Variants in FBF1 observed in about 807,000 individuals in gnomAD.
FBF1 encodes fas-binding factor 1.
FBF1 carries 119 observed loss-of-function variants against 147.2 expected under a neutral mutation model. The ratio of observed to expected loss-of-function variants is 0.81; its 90% confidence interval spans 0.70 to 0.94. The LOEUF (loss-of-function observed/expected upper bound fraction) is 0.94. Ranked by LOEUF, FBF1 falls within the 40% of genes least tolerant of loss-of-function variation. The pLI, the probability that FBF1 is intolerant of heterozygous loss-of-function variation, is 0.00. For synonymous variants in FBF1, 601 were observed against 609.0 expected (o/e 0.99, Z 0.19); for missense variants, 1,449 against 1,500.8 (o/e 0.97, Z 0.57).
At chr17:75,931,493 A>G (rs912022720) in intron 5 of FBF1, among the ~76,000 whole-genome samples, 21 of 152,178 alleles carry the variant, frequency 1.4e-4, no homozygotes, top group East Asian at 3.9e-4. Flanking sequence ...AAATTGTTAA[A>G]AACCATAGGG....
rs147086560 is a variant in FBF1 at position 75,940,134 on chromosome 17, C to T, written c.-84+714G>A. Among the ~76,000 whole-genome samples, 176 of 151,620 alleles carry T rather than the reference C, an allele frequency of 1.2e-3. 1 individual carries two copies. Among genetic ancestry groups the T allele is most frequent in the African/African-American group, 4.1e-3 (171 of 41,332 alleles). ...TTAATTTTTGTATTTTTAGTAGAGA[C>T]GGGGTTTCACTGTTGGCCAGGAGGT... On this transcript the variant is annotated intron_variant, in intron 1 of 29. Coordinates refer to ENST00000636174, the MANE Select transcript of FBF1 (RefSeq NM_001319193.2).
chr17:75,934,555 CA>C (rs974439444), intron 4 of FBF1, among the ~76,000 whole-genome samples: 1,022 of 84,352 alleles, frequency 0.012, 5 homozygotes, highest in African/African-American at 0.032. Flanking sequence ...GACTCTGTCT[CA>C]AAAAAAAAAA....
chr17:75,928,004 C>T lies in FBF1; in HGVS notation c.397+72G>A, dbSNP rs1299668064. The T allele has an allele frequency of 1.5e-5, 19 of 1,257,962 alleles. No homozygotes were observed. The Admixed American group carries it at 2.0e-4, about 13-fold the overall frequency. 77.9% of individuals were successfully genotyped at this position (1,257,962 alleles called of 1,614,324 possible). On this transcript the variant is annotated intron_variant, in intron 8 of 29. Transcript: ENST00000636174. The surrounding 1 kb of genome is among the most constrained non-coding windows in gnomAD (Gnocchi z 4.2). ...GAACGCTTCCTACTAGCATCTTCCACGTCCTCAAAGTCTCCCTAGCAGATG... is the reference window on the plus strand; with the variant it reads ...GAACGCTTCCTACTAGCATCTTCCATGTCCTCAAAGTCTCCCTAGCAGATG...
At chr17:75,929,087 C>A (rs1254370855) in intron 7 of FBF1, among the ~76,000 whole-genome samples, 6 of 151,754 alleles carry the variant, frequency 4.0e-5, no homozygotes, top group African/African-American at 1.5e-4. Context: ...AACTCCTAGG[C>A]TCAAGCGAGC....
At position 75,928,279 on chromosome 17, in the gene FBF1, C is replaced by G; in HGVS notation, c.280-86G>C. The G allele has an allele frequency of 9.9e-7, 1 of 1,010,802 alleles. No individual in the cohort carries two copies. Among genetic ancestry groups the G allele is most frequent in the Non-Finnish European group, 1.5e-6 (1 of 651,846 alleles). The allele number at this position is 1,010,802 out of a possible 1,614,324, so 62.6% of individuals were successfully genotyped here. A position where few individuals can be genotyped will look rare whatever the true frequency, so the allele number is the denominator to read the frequency against. ...CTGAGAGAGATGGGCTGTTGGCACC[C>G]CAGGTGTAGAATTGTGAGAAAACAA... On this transcript the variant is annotated intron_variant, in intron 7 of 29. Transcript: ENST00000636174. This position sits in a 1 kb window ranked among gnomAD's most constrained non-coding sequence, Gnocchi z 4.2.
intron 15 of FBF1, 22 bp downstream of exon 15, chr17:75,921,923 T>C: frequency 6.5e-7 from 1 of 1,543,880 alleles, no homozygotes; most frequent in South Asian, 1.2e-5. Context: ...TCATTCCCAC[T>C]CAGCCCGCAG....
rs2065565979 is a variant in FBF1 at position 75,926,977 on chromosome 17, C to T, written c.476-100G>A. ...GCGCTCGAGTCAAGGCTTCTAGCTG[C>T]TCCAGTACATAAACAAGCCCCCTGG... On this transcript the variant is annotated intron_variant, in intron 9 of 29. Transcript: ENST00000636174. 5 of 1,481,122 alleles carry T rather than the reference C, an allele frequency of 3.4e-6. No individual in the cohort carries two copies. The African/African-American group carries it at 7.0e-5, about 21-fold the overall frequency. The allele number at this position is 1,481,122 out of a possible 1,614,324, so 91.7% of individuals were successfully genotyped here. A position where few individuals can be genotyped will look rare whatever the true frequency, so the allele number is the denominator to read the frequency against.
In FBF1 at chr17:75,914,090, G is replaced by A. The variant is rs991392931; in HGVS notation, c.2991+32C>T. 7 of 1,593,754 alleles carry A rather than the reference G, an allele frequency of 4.4e-6. No homozygotes were observed. The African/African-American group carries it at 9.4e-5, about 21-fold the overall frequency. ...CCTGGGTCAGGGCTGCCTGGGCTCA[G>A]ATGCGCCCACGCCCATGTGCCCGAG... is the stretch of plus-strand genomic sequence containing the variant. On this transcript the variant is annotated intron_variant, in intron 26 of 29. Transcript: ENST00000636174.
chr17:75,939,862 TGTC>T (rs1699996259), intron 1 of FBF1: 1 of 152,308 alleles, frequency 6.6e-6, no homozygotes, highest in African/African-American at 2.4e-5. Flanking sequence ...GTCCTCTTTA[TGTC>T]CCAAGTATTG....
At chr17:75,913,175 G>A (rs1455693822) in intron 28 of FBF1, among the ~76,000 whole-genome samples, 1 of 139,678 alleles carries the variant, frequency 7.2e-6, no homozygotes, top group Non-Finnish European at 1.5e-5. Context: ...TTTAAACGGA[G>A]TCTTGCTCTG....
Position 75,915,028 on chromosome 17 carries a change from C to G in FBF1, c.2617G>C (p.Glu873Gln), listed in dbSNP as rs748997235. 3 of 1,613,532 alleles carry G rather than the reference C, an allele frequency of 1.9e-6. No individual in the cohort carries two copies. The highest frequency in any genetic ancestry group is 2.5e-6 in the Non-Finnish European group (3 of 1,179,852). ...QQMAMERAEL[E>Q]RAKSALLEEQ... is the part of the protein sequence containing the mutation. ...GTGGCTTGACTCACCTTGGCCCGTT[C>G]CAGCTCCGCCCTTTCCATGGCCATC... is the stretch of plus-strand genomic sequence containing the variant. Residue 873 changes from glutamate to glutamine, a missense_variant, in exon 24 of 30, where the codon GAA (glutamate) becomes CAA (glutamine). Coordinates refer to ENST00000636174, the MANE Select transcript of FBF1 (RefSeq NM_001319193.2).
rs372680916 is a variant in FBF1 at position 75,931,214 on chromosome 17, A to G, written c.228+15T>C. 1.9e-6 allele frequency: 3 copies of G among 1,566,976 alleles called. No homozygotes were observed. Among genetic ancestry groups the G allele is most frequent in the Non-Finnish European group, 1.7e-6 (2 of 1,156,004 alleles). On this transcript the variant is annotated intron_variant, in intron 6 of 29. Coordinates refer to ENST00000636174, the MANE Select transcript of FBF1 (RefSeq NM_001319193.2). The stretch of plus-strand genomic sequence containing the variant: ...GGGGATAAGTAGGGAGGTGGAGGGA[A>G]ACAGCCAGGCTCACCTCAGCATCAG...
chr17:75,921,823 C>A, intron 15 of FBF1, 122 bp downstream of exon 15: 1 of 890,878 alleles, frequency 1.1e-6, no homozygotes. Flanking sequence ...TGGGCAGCCT[C>A]TGTGTGGGAC....
intron 23 of FBF1, among the ~76,000 whole-genome samples, chr17:75,915,484 A>AAG: frequency 6.6e-6 from 1 of 152,202 alleles, no homozygotes; most frequent in South Asian, 2.1e-4. Context: ...CAGGCTAAGC[A>AAG]CAGGGTGGCT....
At position 75,925,404 on chromosome 17, in the gene FBF1, G is replaced by T; in HGVS notation, c.911C>A (p.Ala304Asp). Residue 304 changes from alanine (A) to aspartate (D), a missense_variant, in exon 13 of 30, where the codon GCC becomes GAC. Physicochemically the swap from Ala to Asp is moderately radical, Grantham distance 126. Transcript: ENST00000636174. This position sits in a 1 kb window ranked among gnomAD's most constrained non-coding sequence, Gnocchi z 5.0. ...AGAGGAGACCACAGTGGGCTGATAG[G>T]CTCCAAAGGTGAAGTCCTCGTCACC... ...MWGDEDFTFGAYQPTVVSSEG... is the reference protein window; with the variant it reads ...MWGDEDFTFGDYQPTVVSSEG... 6.2e-7 allele frequency: 1 copy of T among 1,613,728 alleles called. No individual in the cohort carries two copies. Among genetic ancestry groups the T allele is most frequent in the South Asian group, 1.1e-5 (1 of 91,080 alleles).
rs2065572889 is a variant in FBF1, at chr17:75,928,047, T to C, written c.397+29A>G. On this transcript the variant is annotated intron_variant, in intron 8 of 29. Coordinates refer to ENST00000636174, the MANE Select transcript of FBF1 (RefSeq NM_001319193.2). This position sits in a 1 kb window ranked among gnomAD's most constrained non-coding sequence, Gnocchi z 4.2. Reference sequence around the variant, plus strand: ...AGCAGATGCGAGGAGCCGTCTCCCATGCACCTTTCTCACTGGCTACTGACC... The same window carrying C: ...AGCAGATGCGAGGAGCCGTCTCCCACGCACCTTTCTCACTGGCTACTGACC... The C allele has an allele frequency of 6.3e-7, 1 of 1,575,886 alleles. No homozygotes were observed. The highest frequency in any genetic ancestry group is 8.7e-7 in the Non-Finnish European group (1 of 1,147,064).
At position 75,919,812 on chromosome 17, in the gene FBF1, TTCTC is replaced by T; in HGVS notation, c.1990_1993del (p.Glu664ThrfsTer33). The stretch of plus-strand genomic sequence containing the variant: ...CAGATACCGAGCTGACAGCTCTTCG[TTCTC>T]TCTCCGGAGCCGCTCCTCCCGTTGC... On this transcript the variant is annotated frameshift_variant, in exon 20 of 30. Transcript: ENST00000636174. LOFTEE classifies it high-confidence loss of function. The surrounding 1 kb of genome is among the most constrained non-coding windows in gnomAD (Gnocchi z 5.0). 6.2e-7 allele frequency: 1 copy of T among 1,613,852 alleles called. No homozygotes were observed. Among genetic ancestry groups the T allele is most frequent in the African/African-American group, 1.3e-5 (1 of 75,070 alleles).
chr17:75,910,391 G>A lies in FBF1; in HGVS notation c.*332C>T. ...CAACAGTCTACCTGTGGAGCAGGGG[G>A]AGCCCACAGAGCCCAGGGGGAGCCC... On this transcript the variant is annotated 3_prime_UTR_variant, in exon 30 of 30. Coordinates refer to ENST00000636174, the MANE Select transcript of FBF1 (RefSeq NM_001319193.2). The surrounding 1 kb of genome is among the most constrained non-coding windows in gnomAD (Gnocchi z 4.1). 2.8e-6 allele frequency: 1 copy of A among 360,934 alleles called. No homozygotes were observed. The highest frequency in any genetic ancestry group is 2.1e-5 in the African/African-American group (1 of 48,470). The allele number at this position is 360,934 out of a possible 1,614,324, so 22.4% of individuals were successfully genotyped here.
Position 75,926,813 on chromosome 17 carries a change from A to T in FBF1, c.540T>A (p.Pro180=). The change falls in exon 10 of 30, where the codon CCT becomes CCA. Residue 180 remains proline (P), a synonymous_variant. Coordinates refer to ENST00000636174, the MANE Select transcript of FBF1 (RefSeq NM_001319193.2). ...YDEGGITKQP[P]VTQSKTASDK... ...CAGAAGCTGTTTTACTCTGTGTCAC[A>T]GGCGGCTGCTTGGTGATTCCTCCTT... 6.2e-7 allele frequency: 1 copy of T among 1,613,926 alleles called. No homozygotes were observed. The highest frequency in any genetic ancestry group is 8.5e-7 in the Non-Finnish European group (1 of 1,179,874).
Sources: gnomAD v4.1 joint callset for allele counts (sites outside exome capture counted in the v4.1 genomes callset) on GRCh38, gnomAD v4.1.1 for gene constraint, Gnocchi (gnomAD v3.1) non-coding constraint, MANE v1.5 for transcripts, NCBI Gene and HGNC (gene_info 2026-07-23, HGNC 2026-07-21) for gene names.